Variants in EXOSC9 observed in about 807,000 individuals in gnomAD.
EXOSC9 encodes the protein exosome component 9, also known as exosome complex component RRP45.
A neutral mutation model predicts 56.5 loss-of-function variants in EXOSC9; 38 were observed. That is an observed-to-expected ratio of 0.67 (90% CI 0.52 to 0.88). EXOSC9 has a LOEUF of 0.88. Ranked by LOEUF, EXOSC9 falls within the 40% of genes least tolerant of loss-of-function variation. The pLI, the probability that EXOSC9 is intolerant of heterozygous loss-of-function variation, is 0.00. For synonymous variants in EXOSC9, 170 were observed against 170.8 expected (o/e 0.99, Z 0.04); for missense variants, 559 against 530.5 (o/e 1.05, Z -0.53).
At chr4:121,816,165 GC>G in intron 10 of EXOSC9, 1 of 651,230 alleles carries the variant, frequency 1.5e-6, no homozygotes, top group South Asian at 1.8e-5. Flanking sequence ...CACCATGTTG[GC>G]CAGACTGGAC....
chr4:121,802,567 T>C, intron 2 of EXOSC9, 107 bp from the exon 3 acceptor site: 1 of 997,674 alleles, frequency 1.0e-6, no homozygotes. Context: ...TTTATTTGGC[T>C]GAGTATGATA....
At chr4:121,804,901 C>A in intron 5 of EXOSC9, 142 bp downstream of exon 5, 1 of 559,908 alleles carries the variant, frequency 1.8e-6, no homozygotes, top group Non-Finnish European at 3.0e-6. Context: ...ACTGAAACTG[C>A]ATATGGTCAA....
chr4:121,803,167 C>T (rs1467276681), intron 4 of EXOSC9, 150 bp downstream of exon 4: 4 of 587,620 alleles, frequency 6.8e-6, no homozygotes, highest in Non-Finnish European at 1.2e-5. Context: ...ACCCTTAGAA[C>T]TTTGTGCTAC....
At position 121,816,871 on chromosome 4, in the gene EXOSC9, T is replaced by G. The variant is rs1560630172; in HGVS notation, c.*15T>G. The G allele has an allele frequency of 1.3e-6, 2 of 1,544,156 alleles. No individual in the cohort carries two copies. Among genetic ancestry groups the G allele is most frequent in the South Asian group, 2.4e-5 (2 of 82,848 alleles). ...CTGCCAATTAAAGCTAACAGTTGTATATCTGTATATATAACTATTAAAAGG... is the reference window on the plus strand; with the variant it reads ...CTGCCAATTAAAGCTAACAGTTGTAGATCTGTATATATAACTATTAAAAGG... On this transcript the variant is annotated 3_prime_UTR_variant, in exon 12 of 12. Transcript: ENST00000243498.
intron 7 of EXOSC9, 129 bp downstream of exon 7, chr4:121,810,228 T>G (rs1727172896): frequency 1.3e-6 from 1 of 799,332 alleles, no homozygotes. Flanking sequence ...GAATCTGGTT[T>G]CAGTACTGTC....
chr4:121,801,765 A>G (rs746808485), intron 1 of EXOSC9, 62 bp from the exon 2 acceptor site: 86 of 1,426,996 alleles, frequency 6.0e-5, no homozygotes, highest in Non-Finnish European at 8.2e-5. Context: ...GCCAGACAAA[A>G]AGTAGTTGCT....
chr4:121,811,136 G>C (rs1374243718), intron 7 of EXOSC9, among the ~76,000 whole-genome samples: 2 of 152,272 alleles, frequency 1.3e-5, no homozygotes, highest in South Asian at 2.1e-4. Context: ...CTGTAAAATA[G>C]GGAATGATGT....
chr4:121,804,902 A>G (rs1235748148), intron 5 of EXOSC9, 143 bp downstream of exon 5: 10 of 558,196 alleles, frequency 1.8e-5, no homozygotes, highest in Admixed American at 7.3e-5. Flanking sequence ...CTGAAACTGC[A>G]TATGGTCAAA....
chr4:121,811,483 C>T, intron 7 of EXOSC9, 100 bp from the exon 8 acceptor site: 2 of 606,768 alleles, frequency 3.3e-6, no homozygotes, highest in South Asian at 3.0e-5. Flanking sequence ...AAAAGTCAGG[C>T]TTAAATTATA....
intron 9 of EXOSC9, chr4:121,813,621 T>C: frequency 1.9e-6 from 1 of 537,050 alleles, no homozygotes; most frequent in African/African-American, 1.9e-5. Context: ...TTTAGTACTA[T>C]AACTAAAATG....
rs778545437 is a variant in EXOSC9 at position 121,804,705 on chromosome 4, C to A, written c.468C>A (p.Ala156=). 6 of 1,612,774 alleles carry A rather than the reference C, an allele frequency of 3.7e-6. No homozygotes were observed. Among genetic ancestry groups the A allele is most frequent in the Non-Finnish European group, 5.1e-6 (6 of 1,179,128 alleles). Reference sequence around the variant, plus strand: ...CTGCCAGCATTGCTGCAATCGTGGCCTTATGTCATTTCCGAAGACCTGATG... The same window carrying A: ...CTGCCAGCATTGCTGCAATCGTGGCATTATGTCATTTCCGAAGACCTGATG... The part of the protein sequence containing the change: ...IDAASIAAIV[A]LCHFRRPDVS... Residue 156 remains alanine, a synonymous_variant, in exon 5 of 12, where the codon GCC becomes GCA. Coordinates refer to ENST00000243498, the MANE Select transcript of EXOSC9 (RefSeq NM_005033.3).
At chr4:121,809,160 T>A (rs1218632458) in intron 6 of EXOSC9, among the ~76,000 whole-genome samples, 2 of 151,430 alleles carry the variant, frequency 1.3e-5, no homozygotes, top group Admixed American at 1.3e-4. Flanking sequence ...TTTAAAAAAA[T>A]TTTTTTTGTA....
rs140662020 is a variant in EXOSC9, at chr4:121,813,287, C to T, written c.881C>T (p.Thr294Ile). The T allele has an allele frequency of 7.2e-5, 116 of 1,613,764 alleles. 1 individual carries two copies. The highest frequency in any genetic ancestry group is 6.3e-5 in the Non-Finnish European group (74 of 1,179,788). The change falls in exon 9 of 12, where the codon ACA (threonine) becomes ATA (isoleucine). Residue 294 changes from threonine (T) to isoleucine (I), a missense_variant. Transcript: ENST00000243498. ...FAESIANQRI[T>I]AFKMEKAPID... The stretch of plus-strand genomic sequence containing the variant: ...GAGTCTATAGCAAATCAAAGGATCA[C>T]AGCATTTAAAATGGAAAAGGCCCCT...
In EXOSC9 at chr4:121,802,718, A is replaced by G. The variant is rs761774440; in HGVS notation, c.206A>G (p.Asn69Ser). The change falls in exon 3 of 12, where the codon AAT becomes AGT. Residue 69 changes from asparagine to serine, a missense_variant. Transcript: ENST00000243498. Reference protein sequence around the residue: ...VSCELVSPKLNRATEGILFFN... With the variant: ...VSCELVSPKLSRATEGILFFN... ...TGTGAACTTGTGTCTCCAAAACTCAATCGGGCAACAGAAGGTATTCTTTTT... is the reference window on the plus strand; with the variant it reads ...TGTGAACTTGTGTCTCCAAAACTCAGTCGGGCAACAGAAGGTATTCTTTTT... 16 of 1,614,152 alleles carry G rather than the reference A, an allele frequency of 9.9e-6. No homozygotes were observed. In the Admixed American group the frequency reaches 1.0e-4, roughly 10 times the overall value.
intron 1 of EXOSC9, 26 bp downstream of exon 1, chr4:121,801,516 CGCGCTGCGTGG>C (rs934499925): frequency 1.9e-6 from 3 of 1,610,922 alleles, no homozygotes; most frequent in African/African-American, 2.7e-5. Context: ...CGCAGAATTG[CGCGCTGCGTGG>C]GCGCTCGGGT....
At chr4:121,805,679 G>A (rs1286880130) in intron 5 of EXOSC9, among the ~76,000 whole-genome samples, 1 of 152,112 alleles carries the variant, frequency 6.6e-6, no homozygotes, top group African/African-American at 2.4e-5. Flanking sequence ...GAATACTGTG[G>A]TGTTATTGCT....
At chr4:121,808,765 CCT>C (rs1727120708) in intron 6 of EXOSC9, among the ~76,000 whole-genome samples, 2 of 150,362 alleles carry the variant, frequency 1.3e-5, no homozygotes, top group Non-Finnish European at 1.5e-5. Flanking sequence ...GCAGCCTCAA[CCT>C]CTCAGGCTCA....
intron 6 of EXOSC9, among the ~76,000 whole-genome samples, chr4:121,808,031 C>T (rs916599569): frequency 2.0e-5 from 3 of 151,996 alleles, no homozygotes; most frequent in African/African-American, 2.4e-5. Context: ...TTCTAGGAGT[C>T]GGTTACAAGG....
intron 11 of EXOSC9, 49 bp downstream of exon 11, chr4:121,816,496 ATAGAGGTT>A (rs756072489): frequency 8.2e-7 from 1 of 1,215,536 alleles, no homozygotes; most frequent in Non-Finnish European, 1.2e-6. Flanking sequence ...CTCAACACTT[ATAGAGGTT>A]TGCTCTCTGG....
Sources: allele counts gnomAD v4.1 joint callset (sites outside exome capture counted in the v4.1 genomes callset), GRCh38; gene constraint gnomAD v4.1.1; transcripts MANE v1.5; gene names NCBI Gene and HGNC (gene_info 2026-07-23, HGNC 2026-07-21).